Variants in RPH3A observed in about 807,000 individuals in gnomAD.
RPH3A encodes rabphilin 3A.
Under a neutral mutation model 102.2 loss-of-function variants are expected in RPH3A, and 48 were observed. The ratio of observed to expected loss-of-function variants is 0.47; its 90% CI spans 0.37 to 0.60. The LOEUF (loss-of-function observed/expected upper bound fraction) is 0.60. Ranked by LOEUF, RPH3A falls within the 20% of genes least tolerant of loss-of-function variation. RPH3A has a pLI of 0.00. For missense variants in RPH3A, 781 were observed against 910.1 expected, an observed-to-expected ratio of 0.86 and a Z score of 1.83; for synonymous variants, 310 against 324.3, an observed-to-expected ratio of 0.96 and a Z score of 0.47.
chr12:112,764,677 G>A (rs1275283292), intron 1 of RPH3A, among the ~76,000 whole-genome samples: 2 of 149,262 alleles, frequency 1.3e-5, no homozygotes, highest in African/African-American at 5.1e-5. Flanking sequence ...CTCTACCTGA[G>A]GTATTATTAT....
chr12:112,757,587 A>C (rs1414745445), intron 1 of RPH3A, among the ~76,000 whole-genome samples: 1 of 152,232 alleles, frequency 6.6e-6, no homozygotes, highest in East Asian at 1.9e-4. Flanking sequence ...AAATTAAAAA[A>C]AATTTTACTC....
intron 1 of RPH3A, among the ~76,000 whole-genome samples, chr12:112,595,093 G>A (rs900909512): frequency 1.3e-5 from 2 of 152,162 alleles, no homozygotes; most frequent in African/African-American, 2.4e-5. Context: ...TACTGGCTAT[G>A]TAATTTTGTC....
Position 112,581,811 on chromosome 12 carries a change from C to T in RPH3A, c.-140+6492C>T, listed in dbSNP as rs191596449. Among the ~76,000 whole-genome samples the T allele has an allele frequency of 9.3e-4, 138 of 148,366 alleles. 9 individuals carry two copies. Among genetic ancestry groups the T allele is most frequent in the African/African-American group, 2.9e-3 (115 of 40,112 alleles). On this transcript the variant is annotated intron_variant, in intron 1 of 21. Transcript: ENST00000543106. ...AAGCTGAACTGACACTGAAGACACA[C>T]GGGTTCAGTCCCACTTTTGCTGCTC...
intron 2 of RPH3A, among the ~76,000 whole-genome samples, chr12:112,827,124 G>T (rs1420581043): frequency 6.6e-6 from 1 of 152,036 alleles, no homozygotes; most frequent in Non-Finnish European, 1.5e-5. Context: ...CAATTCCGTG[G>T]CTTTTAGTAT....
In RPH3A at chr12:112,791,850, G is replaced by C. The variant is rs1450686373; in HGVS notation, c.-302G>C. The C allele has an allele frequency of 2.7e-5, 4 of 147,650 alleles. No homozygotes were observed. The highest frequency in any genetic ancestry group is 6.0e-5 in the Non-Finnish European group (4 of 67,188). 9.1% of individuals were successfully genotyped at this position (147,650 alleles called of 1,614,324 possible). ...CAGCCCGGAGTTGCCTACGCGGACT[G>C]GAAAGGAAGGGAGAAGGGAGAGAGA... On this transcript the variant is annotated 5_prime_UTR_variant, in exon 1 of 22. Transcript: ENST00000389385.
intron 2 of RPH3A, among the ~76,000 whole-genome samples, chr12:112,822,374 C>T (rs1222245976): frequency 6.6e-6 from 1 of 152,226 alleles, no homozygotes; most frequent in African/African-American, 2.4e-5. Context: ...AGCCCAGCCC[C>T]GCTGGGTCAC....
intron 1 of RPH3A, among the ~76,000 whole-genome samples, chr12:112,695,795 C>A (rs183201979): frequency 8.8e-4 from 134 of 152,316 alleles, no homozygotes; most frequent in Non-Finnish European, 9.8e-4. Context: ...ACATCTCTAT[C>A]CCAGGAGACC....
intron 1 of RPH3A, among the ~76,000 whole-genome samples, chr12:112,776,787 T>C (rs753969996): frequency 2.2e-4 from 31 of 140,464 alleles, no homozygotes; most frequent in Admixed American, 3.9e-4. Context: ...GGCAGGAGAA[T>C]GGTGTGAACC....
intron 1 of RPH3A, among the ~76,000 whole-genome samples, chr12:112,771,545 C>A (rs2040927650): frequency 6.6e-6 from 1 of 152,102 alleles, no homozygotes; most frequent in African/African-American, 2.4e-5. Context: ...CATCTTTGGG[C>A]ATATGTTTGA....
At chr12:112,859,156 AG>A (rs1341430805) in intron 5 of RPH3A, among the ~76,000 whole-genome samples, 6 of 152,296 alleles carry the variant, frequency 3.9e-5, no homozygotes, top group African/African-American at 1.4e-4. Context: ...TTAGTCATCA[AG>A]GGTCCTTCCA....
At chr12:112,759,712 A>G (rs1159029433) in intron 1 of RPH3A, among the ~76,000 whole-genome samples, 1 of 152,168 alleles carries the variant, frequency 6.6e-6, no homozygotes, top group Non-Finnish European at 1.5e-5. Context: ...CCTCAGTATC[A>G]GGGGCTATGA....
At chr12:112,770,983 G>T (rs112532086) in intron 1 of RPH3A, among the ~76,000 whole-genome samples, 3 of 152,264 alleles carry the variant, frequency 2.0e-5, no homozygotes, top group African/African-American at 7.2e-5. Context: ...GGCCAGTTTT[G>T]TGTCTATGTT....
At chr12:112,615,211 A>AT (rs1034925043) in intron 1 of RPH3A, among the ~76,000 whole-genome samples, 176 of 151,280 alleles carry the variant, frequency 1.2e-3, no homozygotes, top group Middle Eastern at 6.8e-3. Flanking sequence ...TTTCTGTGCT[A>AT]TTTTTTTTTC....
chr12:112,872,787 G>A (rs1261117611), intron 10 of RPH3A, among the ~76,000 whole-genome samples: 1 of 152,118 alleles, frequency 6.6e-6, no homozygotes, highest in Non-Finnish European at 1.5e-5. Flanking sequence ...ACAGTCATAG[G>A]ACATTTCTGA....
At chr12:112,744,493 G>A (rs10850075) in intron 1 of RPH3A, among the ~76,000 whole-genome samples, 103,077 of 152,024 alleles carry the variant, frequency 0.68, 35,190 homozygotes, top group East Asian at 0.86. Context: ...GGAGACCCAT[G>A]TTTCGGAGGG....
intron 1 of RPH3A, among the ~76,000 whole-genome samples, chr12:112,725,766 TTTG>T (rs374402903): frequency 0.2 from 29,101 of 148,406 alleles, 2,979 homozygotes; most frequent in Middle Eastern, 0.31. Context: ...GAGTGTAGTT[TTTG>T]TTGTTGTTGT....
intron 1 of RPH3A, among the ~76,000 whole-genome samples, chr12:112,596,539 T>C (rs2039517704): frequency 6.6e-6 from 1 of 152,232 alleles, no homozygotes; most frequent in African/African-American, 2.4e-5. Flanking sequence ...GGTGACTGGA[T>C]GTGTGTGGCT....
At chr12:112,593,161 T>C (rs904651581) in intron 1 of RPH3A, among the ~76,000 whole-genome samples, 2 of 152,194 alleles carry the variant, frequency 1.3e-5, no homozygotes, top group Non-Finnish European at 2.9e-5. Context: ...CCTCTCTCTC[T>C]CTGCTCATGT....
chr12:112,603,806 C>G (rs73431637), intron 1 of RPH3A, among the ~76,000 whole-genome samples: 3,498 of 152,178 alleles, frequency 0.023, 143 homozygotes, highest in African/African-American at 0.079. Flanking sequence ...TTTTTCTTCG[C>G]CCTCACTCAA....
Sources: allele counts gnomAD v4.1 joint callset (sites outside exome capture counted in the v4.1 genomes callset), GRCh38; gene constraint gnomAD v4.1.1; transcripts MANE v1.5; gene names NCBI Gene and HGNC (gene_info 2026-07-23, HGNC 2026-07-21).